Variants in FBXL17 observed in about 807,000 individuals in gnomAD.
The protein encoded by FBXL17 is F-box and leucine rich repeat protein 17, also known as F-box/LRR-repeat protein 17.
In FBXL17, 22 loss-of-function variants were observed where a neutral mutation model predicts 66.2. The ratio of observed to expected loss-of-function variants is 0.33; its 90% CI spans 0.24 to 0.47. The LOEUF is 0.47. FBXL17 is among the 20% of genes least tolerant of loss of function. FBXL17 has a pLI of 1.00. For synonymous variants in FBXL17, 474 were observed against 400.5 expected, an observed-to-expected ratio of 1.18 and a Z score of -2.19; for missense variants, 878 against 948.2, an observed-to-expected ratio of 0.93 and a Z score of 0.97.
intron 6 of FBXL17, among the ~76,000 whole-genome samples, chr5:108,032,404 C>T (rs1746675882): frequency 6.6e-6 from 1 of 152,034 alleles, no homozygotes; most frequent in African/African-American, 2.4e-5. Flanking sequence ...GACATCAGGT[C>T]CTAATTCACA....
chr5:107,897,085 G>T (rs939707861), intron 7 of FBXL17, among the ~76,000 whole-genome samples: 1 of 151,932 alleles, frequency 6.6e-6, no homozygotes, highest in Non-Finnish European at 1.5e-5. Flanking sequence ...AAGTGGTTTG[G>T]CCTAAAAAAA....
Position 108,120,417 on chromosome 5 carries a change from A to T in FBXL17, c.1745+65700T>A, listed in dbSNP as rs142950445. Among the ~76,000 whole-genome samples, 22 of 152,174 alleles carry T rather than the reference A, an allele frequency of 1.4e-4. No homozygotes were observed. The East Asian group carries it at 2.9e-3, about 20-fold the overall frequency. ...ACCATTTTAACTGCATGACACAGAT[A>T]AAAAAAAGCTCTGTTTACTGAATGT... On this transcript the variant is annotated intron_variant, in intron 6 of 8. Transcript: ENST00000542267.
At chr5:108,378,955 T>A (rs1160374516) in intron 1 of FBXL17, among the ~76,000 whole-genome samples, 1 of 152,202 alleles carries the variant, frequency 6.6e-6, no homozygotes, top group Non-Finnish European at 1.5e-5. Context: ...AGAATCTTTA[T>A]TAGAATTTTC....
intron 4 of FBXL17, among the ~76,000 whole-genome samples, chr5:108,343,827 T>C (rs981542425): frequency 1.8e-4 from 28 of 152,180 alleles, no homozygotes; most frequent in African/African-American, 5.5e-4. Flanking sequence ...ATATTAGACA[T>C]TGATACAGCC....
Position 108,356,802 on chromosome 5 carries a change from C to T in FBXL17, c.1374+7936G>A, listed in dbSNP as rs114543131. ...TAGAATGTACAATACCAAGAGTGAA[C>T]CCTAACATAAATTATGGGCTTTGGA... On this transcript the variant is annotated intron_variant, in intron 3 of 8. Coordinates refer to ENST00000542267, the MANE Select transcript of FBXL17 (RefSeq NM_001163315.3). Among the ~76,000 whole-genome samples the T allele has an allele frequency of 7.9e-3, 1,203 of 151,896 alleles. 8 individuals are homozygous for T. Among genetic ancestry groups the T allele is most frequent in the South Asian group, 0.019 (91 of 4,808 alleles).
intron 5 of FBXL17, among the ~76,000 whole-genome samples, chr5:108,223,562 A>G (rs1488340621): frequency 6.6e-6 from 1 of 152,220 alleles, no homozygotes; most frequent in African/African-American, 2.4e-5. Flanking sequence ...GGAAAGCAGT[A>G]GAGATGACAC....
chr5:108,378,789 A>T lies in FBXL17; in HGVS notation c.993+1910T>A, dbSNP rs1749630639. 3.3e-5 allele frequency among the ~76,000 whole-genome samples: 5 copies of T among 152,222 alleles called. No homozygotes were observed. The South Asian group carries it at 1.0e-3, about 31-fold the overall frequency. ...TACTATATGCCAGACACTGCACTTA[A>T]AGGAGGAGACAGAGCAATGAACAAG... On this transcript the variant is annotated intron_variant, in intron 1 of 8. Coordinates refer to ENST00000542267, the MANE Select transcript of FBXL17 (RefSeq NM_001163315.3).
intron 5 of FBXL17, among the ~76,000 whole-genome samples, chr5:108,190,999 G>T (rs1306835306): frequency 6.6e-6 from 1 of 152,124 alleles, no homozygotes; most frequent in East Asian, 1.9e-4. Context: ...AGGAAAATAA[G>T]AAATAAACTA....
intron 6 of FBXL17, among the ~76,000 whole-genome samples, chr5:108,099,362 A>G (rs528328668): frequency 1.3e-5 from 2 of 152,332 alleles, no homozygotes; most frequent in African/African-American, 4.8e-5. Context: ...GACAGATCAA[A>G]AAGAGAAAAG....
chr5:108,108,790 T>TTG (rs1749914342), intron 6 of FBXL17, among the ~76,000 whole-genome samples: 1 of 150,910 alleles, frequency 6.6e-6, no homozygotes, highest in African/African-American at 2.4e-5. Context: ...GTTTTTGTTT[T>TTG]TTTTTTTTTT....
intron 7 of FBXL17, among the ~76,000 whole-genome samples, chr5:107,987,311 C>G (rs1004127422): frequency 1.3e-5 from 2 of 148,854 alleles, no homozygotes; most frequent in African/African-American, 4.9e-5. Flanking sequence ...TTTTTTTAAC[C>G]AACAATCACC....
At chr5:107,958,035 G>A (rs1299257628) in intron 7 of FBXL17, among the ~76,000 whole-genome samples, 9 of 151,816 alleles carry the variant, frequency 5.9e-5, no homozygotes, top group Middle Eastern at 3.4e-3. Flanking sequence ...GCAGAGAAAA[G>A]GTCTAAGTTG....
chr5:107,926,754 C>T (rs1389159178), intron 7 of FBXL17, among the ~76,000 whole-genome samples: 1 of 151,946 alleles, frequency 6.6e-6, no homozygotes, highest in African/African-American at 2.4e-5. Flanking sequence ...TTTTCTGCTT[C>T]AAAATAAATT....
chr5:108,306,746 A>T (rs190442741), intron 4 of FBXL17, among the ~76,000 whole-genome samples: 32 of 152,202 alleles, frequency 2.1e-4, no homozygotes, highest in African/African-American at 7.7e-4. Flanking sequence ...CACAGAACAC[A>T]GAGTCATATT....
chr5:108,378,322 TTTTG>T (rs1391282645), intron 1 of FBXL17, among the ~76,000 whole-genome samples: 3 of 103,068 alleles, frequency 2.9e-5, no homozygotes, highest in East Asian at 2.3e-4. Context: ...CCTGCCTCGT[TTTTG>T]TTTTTTGTTT....
At chr5:108,180,585 G>C (rs556390629) in intron 6 of FBXL17, among the ~76,000 whole-genome samples, 2 of 152,110 alleles carry the variant, frequency 1.3e-5, no homozygotes, top group East Asian at 3.9e-4. Flanking sequence ...GCAATATTTT[G>C]TAGATCTTAT....
At chr5:108,230,046 C>T (rs1008157191) in intron 4 of FBXL17, among the ~76,000 whole-genome samples, 1 of 151,896 alleles carries the variant, frequency 6.6e-6, no homozygotes, top group Non-Finnish European at 1.5e-5. Context: ...CAAAAATGAC[C>T]ATAATAAAAA....
At chr5:107,988,112 T>C (rs150168027) in intron 7 of FBXL17, among the ~76,000 whole-genome samples, 69 of 152,116 alleles carry the variant, frequency 4.5e-4, no homozygotes, top group Non-Finnish European at 8.4e-4. Flanking sequence ...ATATTTCTCA[T>C]TTTAAAAAAT....
intron 6 of FBXL17, among the ~76,000 whole-genome samples, chr5:108,044,330 C>T (rs955321309): frequency 6.6e-6 from 1 of 152,092 alleles, no homozygotes; most frequent in Non-Finnish European, 1.5e-5. Flanking sequence ...TTTGTAGATA[C>T]TCTTCATCAA....
Sources: allele counts gnomAD v4.1 joint callset (sites outside exome capture counted in the v4.1 genomes callset), GRCh38; gene constraint gnomAD v4.1.1; transcripts MANE v1.5; gene names NCBI Gene and HGNC (gene_info 2026-07-23, HGNC 2026-07-21).